Variants in ROBO3 observed in about 807,000 individuals in gnomAD.
ROBO3 encodes the protein roundabout homolog 3.
A neutral mutation model predicts 160.5 loss-of-function variants in ROBO3; 97 were observed. The ratio of observed to expected loss-of-function variants is 0.60; its 90% CI spans 0.51 to 0.72. The LOEUF (loss-of-function observed/expected upper bound fraction) is 0.72. ROBO3 is among the 30% of genes least tolerant of loss of function. The probability of loss-of-function intolerance (pLI) is 0.00; values close to 1 mark genes in which losing one functional copy is unlikely to be tolerated. For synonymous variants in ROBO3, 780 were observed against 746.2 expected, an observed-to-expected ratio of 1.05 and a Z score of -0.74; for missense variants, 1,858 against 1,846.5, an observed-to-expected ratio of 1.01 and a Z score of -0.11.
At chr11:124,879,719 A>G (rs1229754472) in intron 25 of ROBO3, 68 bp from the exon 26 acceptor site, 1 of 1,594,566 alleles carries the variant, frequency 6.3e-7, no homozygotes, top group African/African-American at 1.3e-5. Context: ...GTGCCAGGGA[A>G]TGCAGGTGAG....
At chr11:124,875,757 T>C (rs1946351602) in intron 15 of ROBO3, 72 bp downstream of exon 15, 5 of 1,533,550 alleles carry the variant, frequency 3.3e-6, no homozygotes, top group Non-Finnish European at 4.4e-6. Flanking sequence ...GTGGCTAGAA[T>C]TAGGGTGGAG....
chr11:124,871,105 A>C lies in ROBO3; in HGVS notation c.1125A>C (p.Pro375=), dbSNP rs1297109653. 6.2e-7 allele frequency: 1 copy of C among 1,613,280 alleles called. No homozygotes were observed. Among genetic ancestry groups the C allele is most frequent in the Non-Finnish European group, 8.5e-7 (1 of 1,179,480 alleles). Residue 375 remains proline, a synonymous_variant, in exon 7 of 28, where the codon CCA becomes CCC. Coordinates refer to ENST00000397801, the MANE Select transcript of ROBO3 (RefSeq NM_022370.4). ...AFQCETKGNP[P]PAIFWQKEGS... ...AGTGCGAGACCAAAGGAAACCCCCC[A>C]CCTGCCATCTTCTGGCAGAAGGAGG...
In ROBO3 at chr11:124,879,968, GCAGGAGGGCTGCTGCCA is replaced by G; in HGVS notation, c.3958+27_3958+43del. 1.3e-6 allele frequency: 2 copies of G among 1,542,368 alleles called. No homozygotes were observed. Among genetic ancestry groups the G allele is most frequent in the Non-Finnish European group, 1.8e-6 (2 of 1,141,940 alleles). On this transcript the variant is annotated intron_variant, in intron 26 of 27. Coordinates refer to ENST00000397801, the MANE Select transcript of ROBO3 (RefSeq NM_022370.4). ...CAGATGGTAAGCAGGGCCAGGGCAG[GCAGGAGGGCTGCTGCCA>G]CAGGAGACTGTGGGCTTTGGGACTG...
In ROBO3 at chr11:124,872,875, C is replaced by A. The variant is rs971339239; in HGVS notation, c.1331-9C>A. On this transcript the variant is annotated splice_polypyrimidine_tract_variant and intron_variant, in intron 8 of 27. Transcript: ENST00000397801. The surrounding 1 kb of genome is among the most constrained non-coding windows in gnomAD (Gnocchi z 4.3). ...CTCCCCTGAGGTGCACACGTTCTTC[C>A]TCTCTCAGCCTCTTTGGATGGGCTG... 6.3e-7 allele frequency: 1 copy of A among 1,586,024 alleles called. No individual in the cohort carries two copies. Among genetic ancestry groups the A allele is most frequent in the Non-Finnish European group, 8.6e-7 (1 of 1,166,852 alleles).
In ROBO3 at chr11:124,877,536, G is replaced by A; in HGVS notation, c.2864G>A (p.Gly955Asp). The change falls in exon 20 of 28, where the codon GGC becomes GAC. Residue 955 changes from glycine (G) to aspartate (D), a missense_variant. Physicochemically the swap from Gly to Asp is moderately conservative, Grantham distance 94. Coordinates refer to ENST00000397801, the MANE Select transcript of ROBO3 (RefSeq NM_022370.4). ...GASSRPPMGLGPAPYSWLADS... is the reference protein window; with the variant it reads ...GASSRPPMGLDPAPYSWLADS... Reference sequence around the variant, plus strand: ...TCCCTCAGGCCACCCATGGGCCTTGGCCCCGCCCCCTACTCATGGCTGGCA... The same window carrying A: ...TCCCTCAGGCCACCCATGGGCCTTGACCCCGCCCCCTACTCATGGCTGGCA... 1 of 1,601,030 alleles carries A rather than the reference G, an allele frequency of 6.2e-7. No homozygotes were observed. The highest frequency in any genetic ancestry group is 8.5e-7 in the Non-Finnish European group (1 of 1,174,250).
Position 124,869,397 on chromosome 11 carries a change from C to T in ROBO3, c.488-53C>T, listed in dbSNP as rs1387802792. The T allele has an allele frequency of 2.8e-6, 4 of 1,453,140 alleles. No individual in the cohort carries two copies. The highest frequency in any genetic ancestry group is 3.8e-6 in the Non-Finnish European group (4 of 1,059,320). 90.0% of individuals were successfully genotyped at this position (1,453,140 alleles called of 1,614,324 possible). A position where few individuals can be genotyped will look rare whatever the true frequency, so the allele number is the denominator to read the frequency against. Reference sequence around the variant, plus strand: ...GACAACACTTTCCCTGTGTCCTCAGCCAGTTATGTCACTCTACACCCTGCT... The same window carrying T: ...GACAACACTTTCCCTGTGTCCTCAGTCAGTTATGTCACTCTACACCCTGCT... On this transcript the variant is annotated intron_variant, in intron 2 of 27. Transcript: ENST00000397801. The surrounding 1 kb of genome is among the most constrained non-coding windows in gnomAD (Gnocchi z 4.2).
chr11:124,880,358 G>T (rs1162307453), intron 26 of ROBO3, 60 bp from the exon 27 acceptor site: 8 of 1,595,758 alleles, frequency 5.0e-6, no homozygotes, highest in Admixed American at 1.7e-5. Context: ...TGGCAGGGTG[G>T]GTGACAGGGA....
At position 124,874,220 on chromosome 11, in the gene ROBO3, G is replaced by A; in HGVS notation, c.1935G>A (p.Glu645=). ...TCAGTGAGCCCAGCCCCGTCTCTGA[G>A]CCTGTCCGTACACAGGGTAAGGTCA... ...WGLSEPSPVS[E]PVRTQDSSPS... is the part of the protein sequence containing the mutation. Residue 645 remains glutamate, a synonymous_variant, in exon 12 of 28, where the codon GAG becomes GAA. Coordinates refer to ENST00000397801, the MANE Select transcript of ROBO3 (RefSeq NM_022370.4). 1 of 1,613,840 alleles carries A rather than the reference G, an allele frequency of 6.2e-7. No individual in the cohort carries two copies. Among genetic ancestry groups the A allele is most frequent in the Non-Finnish European group, 8.5e-7 (1 of 1,179,832 alleles).
At position 124,873,407 on chromosome 11, in the gene ROBO3, C is replaced by T. The variant is rs1457768535; in HGVS notation, c.1618+16C>T. 4 of 1,602,902 alleles carry T rather than the reference C, an allele frequency of 2.5e-6. No individual in the cohort carries two copies. The highest frequency in any genetic ancestry group is 3.4e-6 in the Non-Finnish European group (4 of 1,173,960). On this transcript the variant is annotated intron_variant, in intron 10 of 27. Transcript: ENST00000397801. The surrounding 1 kb of genome is among the most constrained non-coding windows in gnomAD (Gnocchi z 4.5). ...AAGATGCGGGGTGAGTTTTTTCTTT[C>T]TTCCCTTATTTTGATAATACCTTCC... is the stretch of plus-strand genomic sequence containing the variant.
chr11:124,869,003 G>GCGCC lies in ROBO3; in HGVS notation c.364_367dup (p.Leu123ArgfsTer45). 1 of 1,600,142 alleles carries GCGCC rather than the reference G, an allele frequency of 6.2e-7. No homozygotes were observed. The highest frequency in any genetic ancestry group is 8.5e-7 in the Non-Finnish European group (1 of 1,174,290). On this transcript the variant is annotated frameshift_variant, in exon 2 of 28. Transcript: ENST00000397801. LOFTEE classifies it high-confidence loss of function. The surrounding 1 kb of genome is among the most constrained non-coding windows in gnomAD (Gnocchi z 4.2). ...GCGCACCGCCTGCTGCTGCCCAGCG[G>GCGCC]CGCCCTCTTCTTCCCGCGCATCGTG...
chr11:124,869,428 C>CGGGGG lies in ROBO3; in HGVS notation c.488-21_488-20insGGGGG. 3 of 1,383,810 alleles carry CGGGGG rather than the reference C, an allele frequency of 2.2e-6. No homozygotes were observed. The highest frequency in any genetic ancestry group is 1.9e-5 in the African/African-American group (1 of 52,820). 85.7% of individuals were successfully genotyped at this position (1,383,810 alleles called of 1,614,324 possible). ...ATGTCACTCTACACCCTGCTTATTTCGCCCCCCACCGCCCCGCCCAGTCCT... is the reference window on the plus strand; with the variant it reads ...ATGTCACTCTACACCCTGCTTATTTCGGGGGGCCCCCCACCGCCCCGCCCAGTCCT... On this transcript the variant is annotated intron_variant, in intron 2 of 27. Coordinates refer to ENST00000397801, the MANE Select transcript of ROBO3 (RefSeq NM_022370.4). The surrounding 1 kb of genome is among the most constrained non-coding windows in gnomAD (Gnocchi z 4.2).
In ROBO3 at chr11:124,878,449, C is replaced by G; in HGVS notation, c.3320+13C>G. 1 of 1,610,932 alleles carries G rather than the reference C, an allele frequency of 6.2e-7. No homozygotes were observed. Among genetic ancestry groups the G allele is most frequent in the Non-Finnish European group, 8.5e-7 (1 of 1,177,948 alleles). ...AGCTGGAGGGCAGGTAGAGATGCTCCCTGCTTCCAGGCCCACACACCTGCG... is the reference window on the plus strand; with the variant it reads ...AGCTGGAGGGCAGGTAGAGATGCTCGCTGCTTCCAGGCCCACACACCTGCG... On this transcript the variant is annotated intron_variant, in intron 22 of 27. Transcript: ENST00000397801. This position sits in a 1 kb window ranked among gnomAD's most constrained non-coding sequence, Gnocchi z 4.3.
Position 124,866,087 on chromosome 11 carries a change from GCA to G in ROBO3, c.160+353_160+354del, listed in dbSNP as rs1946192963. On this transcript the variant is annotated intron_variant, in intron 1 of 27. Coordinates refer to ENST00000397801, the MANE Select transcript of ROBO3 (RefSeq NM_022370.4). ...CAGCGCAGGGAGGGCAGAGGAGGGG[GCA>G]CAGTCTCCCGCCGGCCTCGGCCAAG... Among the ~76,000 whole-genome samples, 6 of 152,324 alleles carry G rather than the reference GCA, an allele frequency of 3.9e-5. No individual in the cohort carries two copies. The South Asian group carries it at 1.2e-3, about 32-fold the overall frequency.
At chr11:124,868,564 C>T (rs1565308330) in intron 1 of ROBO3, 4 of 636,166 alleles carry the variant, frequency 6.3e-6, no homozygotes, top group Admixed American at 2.3e-5. Flanking sequence ...AGTTTGTGTC[C>T]CGATCCCTCT....
In ROBO3 at chr11:124,878,507, G is replaced by C. The variant is rs1196738960; in HGVS notation, c.3320+71G>C. 6.2e-7 allele frequency: 1 copy of C among 1,600,078 alleles called. No individual in the cohort carries two copies. The highest frequency in any genetic ancestry group is 1.3e-5 in the African/African-American group (1 of 74,594). ...CATGGGCTGCTGGGGAGGAAGGGGA[G>C]GGGGCAGCAGGAAGGCCAACGGGAA... On this transcript the variant is annotated intron_variant, in intron 22 of 27. Coordinates refer to ENST00000397801, the MANE Select transcript of ROBO3 (RefSeq NM_022370.4). The surrounding 1 kb of genome is among the most constrained non-coding windows in gnomAD (Gnocchi z 4.3).
Position 124,869,963 on chromosome 11 carries a change from C to T in ROBO3, c.661C>T (p.Leu221=), listed in dbSNP as rs971142848. ...EGRITIRGGK[L]MMSHTLKSDA... is the part of the protein sequence containing the mutation. ...TGCTCTGCAGATCCGTGGAGGGAAG[C>T]TGATGATGTCACATACACTCAAGAG... The change falls in exon 4 of 28, where the codon CTG becomes TTG. Residue 221 remains leucine, a synonymous_variant. Coordinates refer to ENST00000397801, the MANE Select transcript of ROBO3 (RefSeq NM_022370.4). The surrounding 1 kb of genome is among the most constrained non-coding windows in gnomAD (Gnocchi z 4.2). 1 of 1,609,462 alleles carries T rather than the reference C, an allele frequency of 6.2e-7. No individual in the cohort carries two copies. The highest frequency in any genetic ancestry group is 8.5e-7 in the Non-Finnish European group (1 of 1,177,866).
rs2135336416 is a variant in ROBO3, at chr11:124,876,412, G to A, written c.2731G>A (p.Ala911Thr). 3 of 1,450,144 alleles carry A rather than the reference G, an allele frequency of 2.1e-6. No individual in the cohort carries two copies. Among genetic ancestry groups the A allele is most frequent in the Admixed American group, 2.7e-5 (1 of 37,420 alleles). The allele number at this position is 1,450,144 out of a possible 1,614,324, so 89.8% of individuals were successfully genotyped here. A position where few individuals can be genotyped will look rare whatever the true frequency, so the allele number is the denominator to read the frequency against. ...GGCGCTGCTTCTCGGGCTCTGCGCC[G>A]CCCTCTACTGGCGCCGGAAACAGCG... ...CGALLLGLCA[A>T]LYWRRKQRKE... The change falls in exon 17 of 28, where the codon GCC becomes ACC. Residue 911 changes from alanine to threonine, a missense_variant. Coordinates refer to ENST00000397801, the MANE Select transcript of ROBO3 (RefSeq NM_022370.4). The surrounding 1 kb of genome is among the most constrained non-coding windows in gnomAD (Gnocchi z 5.3).
chr11:124,871,261 C>T, intron 7 of ROBO3, 123 bp downstream of exon 7: 1 of 1,208,256 alleles, frequency 8.3e-7, no homozygotes, highest in Admixed American at 2.8e-5. Context: ...CCCAGAAACC[C>T]TTGCAGGTTA....
Position 124,877,651 on chromosome 11 carries a change from T to C in ROBO3, c.2979T>C (p.Tyr993=), listed in dbSNP as rs1187906739. 1.2e-6 allele frequency: 2 copies of C among 1,611,046 alleles called. No individual in the cohort carries two copies. The highest frequency in any genetic ancestry group is 1.3e-5 in the African/African-American group (1 of 74,992). The change falls in exon 20 of 28, where the codon TAT becomes TAC. Residue 993 remains tyrosine, a synonymous_variant. Coordinates refer to ENST00000397801, the MANE Select transcript of ROBO3 (RefSeq NM_022370.4). ...CPSNPDPDDR[Y]YNEAGISLYL... ...GCAATCCTGACCCGGACGACAGATA[T>C]TACAACGGTGAGGAGTTCTCATTCC...
Sources: allele counts gnomAD v4.1 joint callset (sites outside exome capture counted in the v4.1 genomes callset), GRCh38; gene constraint gnomAD v4.1.1; non-coding constraint Gnocchi (gnomAD v3.1); transcripts MANE v1.5; gene names NCBI Gene and HGNC (gene_info 2026-07-23, HGNC 2026-07-21).